The following ENTHD1 variants were observed in gnomAD, a reference collection of about 807,000 sequenced individuals.
ENTHD1 encodes the protein ENTH domain containing 1.
A neutral mutation model predicts 39.1 loss-of-function variants in ENTHD1; 23 were observed. The ratio of observed to expected loss-of-function variants is 0.59; its 90% CI spans 0.42 to 0.83. ENTHD1 has a LOEUF of 0.83. ENTHD1 is among the 40% of genes least tolerant of loss of function. The pLI is 0.00. For synonymous variants in ENTHD1, 230 were observed against 258.2 expected, an observed-to-expected ratio of 0.89 and a Z score of 1.05; for missense variants, 624 against 705.4, an observed-to-expected ratio of 0.88 and a Z score of 1.31.
chr22:39,810,536 T>C (rs57800198), intron 5 of ENTHD1, among the ~76,000 whole-genome samples: 14,631 of 152,242 alleles, frequency 0.096, 789 homozygotes, highest in African/African-American at 0.14. Flanking sequence ...ATTATACCAC[T>C]TCCCCTCTAA....
intron 5 of ENTHD1, among the ~76,000 whole-genome samples, chr22:39,801,817 T>C (rs1369266875): frequency 2.0e-5 from 3 of 152,114 alleles, no homozygotes; most frequent in South Asian, 2.1e-4. Flanking sequence ...GTTTTTTTTT[T>C]AATAGTAATG....
chr22:39,791,171 TTATATA>T (rs565160198), intron 5 of ENTHD1, among the ~76,000 whole-genome samples: 1 of 147,420 alleles, frequency 6.8e-6, no homozygotes, highest in East Asian at 2.0e-4. Context: ...GTTATATATA[TTATATA>T]TATATATAAT....
intron 5 of ENTHD1, among the ~76,000 whole-genome samples, chr22:39,794,862 T>G (rs963797028): frequency 1.3e-5 from 2 of 152,178 alleles, no homozygotes; most frequent in African/African-American, 2.4e-5. Flanking sequence ...GGAAAGGCTT[T>G]TATCTTTTCC....
At chr22:39,801,881 C>T (rs1304099078) in intron 5 of ENTHD1, among the ~76,000 whole-genome samples, 4 of 151,822 alleles carry the variant, frequency 2.6e-5, no homozygotes, top group Non-Finnish European at 5.9e-5. Flanking sequence ...ATCCAGAAAG[C>T]ACAGTTAACA....
chr22:39,789,255 A>G (rs1218248654), intron 5 of ENTHD1, among the ~76,000 whole-genome samples: 2 of 152,020 alleles, frequency 1.3e-5, no homozygotes, highest in Non-Finnish European at 2.9e-5. Context: ...TTCTATTTTT[A>G]TCTCTTCCAT....
chr22:39,797,059 ATATATTTAGAATTGT>A (rs1569144438), intron 5 of ENTHD1, among the ~76,000 whole-genome samples: 1 of 152,206 alleles, frequency 6.6e-6, no homozygotes, highest in African/African-American at 2.4e-5. Flanking sequence ...GTTGGTACAT[ATATATTTAGAATTGT>A]TATATCCTCT....
chr22:39,841,261 C>A lies in ENTHD1; in HGVS notation c.593-5303G>T, dbSNP rs538600421. On this transcript the variant is annotated intron_variant, in intron 3 of 6. Transcript: ENST00000325157. ...ATTATTACTGTCCTATATTTTAAAT[C>A]TAGAGGAAAAGCCATTGTAGGTTGG... Among the ~76,000 whole-genome samples, 71 of 152,214 alleles carry A rather than the reference C, an allele frequency of 4.7e-4. 1 individual carries two copies. The highest frequency in any genetic ancestry group is 7.4e-4 in the Non-Finnish European group (50 of 68,018).
chr22:39,771,473 A>T (rs2065323984), intron 5 of ENTHD1, among the ~76,000 whole-genome samples: 1 of 152,172 alleles, frequency 6.6e-6, no homozygotes, highest in Non-Finnish European at 1.5e-5. Flanking sequence ...AAATCTGGTT[A>T]AAAAACAAAA....
intron 6 of ENTHD1, among the ~76,000 whole-genome samples, chr22:39,762,457 G>A: frequency 6.6e-6 from 1 of 150,424 alleles, no homozygotes; most frequent in South Asian, 2.1e-4. Context: ...TGTCACCCAG[G>A]CTCTCACTGT....
At chr22:39,857,392 G>A (rs2066100668) in intron 3 of ENTHD1, among the ~76,000 whole-genome samples, 1 of 137,940 alleles carries the variant, frequency 7.2e-6, no homozygotes, top group Non-Finnish European at 1.5e-5. Context: ...GCAGTGAGCC[G>A]AGATGGTGCC....
At chr22:39,748,543 G>C (rs1052164948) in intron 6 of ENTHD1, among the ~76,000 whole-genome samples, 3 of 151,370 alleles carry the variant, frequency 2.0e-5, no homozygotes, top group Non-Finnish European at 4.4e-5. Flanking sequence ...GCCTCCACCT[G>C]ACGAGTAGCT....
intron 3 of ENTHD1, among the ~76,000 whole-genome samples, chr22:39,850,869 A>G (rs2066030845): frequency 6.6e-6 from 1 of 152,184 alleles, no homozygotes; most frequent in Non-Finnish European, 1.5e-5. Context: ...TCTTAACTCA[A>G]AAATTAGATT....
rs538339490 is a variant in ENTHD1, at chr22:39,837,293, A to T, written c.593-1335T>A. ...GGGCATAGATAGTTTTAAAGGAAGC[A>T]ATTTCCAGATCCGCAACTTCCACCT... is the stretch of plus-strand genomic sequence containing the variant. On this transcript the variant is annotated intron_variant, in intron 3 of 6. Coordinates refer to ENST00000325157, the MANE Select transcript of ENTHD1 (RefSeq NM_152512.4). Among the ~76,000 whole-genome samples the T allele has an allele frequency of 5.1e-4, 77 of 152,298 alleles. 1 individual carries two copies. Among genetic ancestry groups the T allele is most frequent in the Middle Eastern group, 3.4e-3 (1 of 294 alleles).
At chr22:39,811,325 C>T (rs886186301) in intron 5 of ENTHD1, among the ~76,000 whole-genome samples, 1 of 152,156 alleles carries the variant, frequency 6.6e-6, no homozygotes, top group Non-Finnish European at 1.5e-5. Flanking sequence ...TGCAGCAGGT[C>T]CAGGCCACTG....
At chr22:39,846,136 A>G (rs767370972) in intron 3 of ENTHD1, among the ~76,000 whole-genome samples, 13 of 152,222 alleles carry the variant, frequency 8.5e-5, no homozygotes, top group South Asian at 2.1e-4. Context: ...ATAAAAATCA[A>G]CTAAAAATGG....
At chr22:39,893,540 A>T (rs1441493838) in intron 1 of ENTHD1, 155 bp downstream of exon 1, 1 of 152,268 alleles carries the variant, frequency 6.6e-6, no homozygotes, top group Non-Finnish European at 1.5e-5. Flanking sequence ...GTCACGCCAC[A>T]GGGATTTCAC....
rs1430875303 is a variant in ENTHD1 at position 39,887,537 on chromosome 22, A to C, written c.212T>G (p.Val71Gly). The change falls in exon 2 of 7, where the codon GTG (valine) becomes GGG (glycine). Residue 71 changes from valine (V) to glycine (G), a missense_variant. By Grantham distance (109) the Val-to-Gly change is moderately radical (BLOSUM62 -3). Coordinates refer to ENST00000325157, the MANE Select transcript of ENTHD1 (RefSeq NM_152512.4). ...ATCCATTAGGGTAAGGGATTTATAC[A>C]CGTGGCGCCAGTTCTTCCCATGGTC... is the stretch of plus-strand genomic sequence containing the variant. Reference protein sequence around the residue: ...LNDHGKNWRHVYKSLTLMDYL... With the variant: ...LNDHGKNWRHGYKSLTLMDYL... The C allele has an allele frequency of 6.2e-7, 1 of 1,614,200 alleles. No individual in the cohort carries two copies. Among genetic ancestry groups the C allele is most frequent in the Admixed American group, 1.7e-5 (1 of 60,026 alleles).
chr22:39,853,236 T>A (rs1443018866), intron 3 of ENTHD1, among the ~76,000 whole-genome samples: 1 of 152,164 alleles, frequency 6.6e-6, no homozygotes, highest in Non-Finnish European at 1.5e-5. Context: ...GTTCCTACAG[T>A]GTATTTCTAG....
intron 2 of ENTHD1, chr22:39,875,745 T>C (rs2066283814): frequency 1.9e-6 from 3 of 1,612,892 alleles, no homozygotes; most frequent in Non-Finnish European, 2.5e-6. Context: ...CTGGCGAAAA[T>C]CGAAATCAAG....
Sources: allele counts gnomAD v4.1 joint callset (sites outside exome capture counted in the v4.1 genomes callset), GRCh38; gene constraint gnomAD v4.1.1; transcripts MANE v1.5; gene names NCBI Gene and HGNC (gene_info 2026-07-23, HGNC 2026-07-21).